The following PFKFB1 variants were observed in gnomAD, a reference collection of about 807,000 sequenced individuals.
The protein encoded by PFKFB1 is 6-phosphofructo-2-kinase/fructose-2,6-biphosphatase 1, also known as 6-phosphofructo-2-kinase/fructose-2,6-bisphosphatase 1.
Under a neutral mutation model 46.4 loss-of-function variants are expected in PFKFB1, and 34 were observed. The observed-to-expected ratio is 0.73, with a 90% CI of 0.56 to 0.98. PFKFB1 has a LOEUF of 0.98. Among genes scored for constraint, PFKFB1 ranks in the 50% least tolerant of loss-of-function variants. PFKFB1 has a pLI of 0.00. For synonymous variants in PFKFB1, 119 were observed against 133.8 expected, an observed-to-expected ratio of 0.89 and a Z score of 0.76; for missense variants, 393 against 376.3, an observed-to-expected ratio of 1.04 and a Z score of -0.37.
At chrX:54,996,049 C>T (rs1010721337), upstream of PFKFB1, among the ~76,000 whole-genome samples, 53 of 112,092 alleles carry the variant, frequency 4.7e-4, no homozygotes, top group African/African-American at 1.4e-3. Context: ...GTGGCCAAGT[C>T]AGGAATAGAA....
intron 10 of PFKFB1, among the ~76,000 whole-genome samples, chrX:54,944,442 G>A (rs1016315898): frequency 1.8e-5 from 2 of 111,241 alleles, no homozygotes; most frequent in South Asian, 7.5e-4. Context: ...TTTTCAGTTT[G>A]GATTAAAAAC....
intron 1 of PFKFB1, among the ~76,000 whole-genome samples, chrX:54,991,825 C>T (rs148365486): frequency 0.023 from 2,573 of 111,424 alleles, 65 homozygotes; most frequent in African/African-American, 0.079. Flanking sequence ...CTGCTTGCAA[C>T]GATAAAATGG....
chrX:54,976,798 C>A lies in PFKFB1; in HGVS notation c.98-13416G>T, dbSNP rs774658101. ...TGTGGTACAATCATAAACTAGAATA[C>A]CATACGGCAATTAAGATAACTGTTG... On this transcript the variant is annotated intron_variant, in intron 1 of 13. Coordinates refer to ENST00000375006, the MANE Select transcript of PFKFB1 (RefSeq NM_002625.4). Among the ~76,000 whole-genome samples the A allele has an allele frequency of 1.7e-4, 19 of 111,282 alleles. No individual in the cohort carries two copies. The East Asian group carries it at 5.4e-3, about 31-fold the overall frequency.
chrX:54,939,867 G>C (rs1933553671), intron 10 of PFKFB1, among the ~76,000 whole-genome samples: 1 of 112,055 alleles, frequency 8.9e-6, no homozygotes, highest in Non-Finnish European at 1.9e-5. Context: ...AATAGAAAAA[G>C]AGGGAATCCT....
chrX:54,973,029 C>G (rs1428624227), intron 1 of PFKFB1, among the ~76,000 whole-genome samples: 3 of 107,986 alleles, frequency 2.8e-5, no homozygotes, highest in East Asian at 2.9e-4. Flanking sequence ...TGTTATTGGT[C>G]TATTCAGAGA....
At chrX:54,998,419 G>C, upstream of PFKFB1, 1 of 1,152,221 alleles carries the variant, frequency 8.7e-7, no homozygotes, top group Non-Finnish European at 1.1e-6. Context: ...TTATTCTAGA[G>C]GTTTTTTCTT....
chrX:54,964,035 C>A (rs1164918290), intron 1 of PFKFB1, among the ~76,000 whole-genome samples: 1 of 110,828 alleles, frequency 9.0e-6, no homozygotes, highest in Non-Finnish European at 1.9e-5. Context: ...CCATACCAAT[C>A]TACCTTATCT....
intron 6 of PFKFB1, 109 bp from the exon 7 acceptor site, chrX:54,956,383 G>A: frequency 1.1e-6 from 1 of 914,761 alleles, no homozygotes; most frequent in Non-Finnish European, 1.5e-6. Flanking sequence ...TTATAAAGAT[G>A]AGGAAATTGA....
At chrX:54,953,773 T>G in intron 7 of PFKFB1, among the ~76,000 whole-genome samples, 1 of 112,084 alleles carries the variant, frequency 8.9e-6, no homozygotes, top group Non-Finnish European at 1.9e-5. Context: ...TGGCCTCACT[T>G]TATGGTCCCA....
chrX:54,971,724 T>C (rs1373228794), intron 1 of PFKFB1, among the ~76,000 whole-genome samples: 1 of 112,477 alleles, frequency 8.9e-6, no homozygotes, highest in Non-Finnish European at 1.9e-5. Flanking sequence ...AGTACCATGC[T>C]GTTTTGGTTA....
At chrX:54,992,509 C>T (rs1935266805) in intron 1 of PFKFB1, among the ~76,000 whole-genome samples, 1 of 111,766 alleles carries the variant, frequency 8.9e-6, no homozygotes, top group Non-Finnish European at 1.9e-5. Context: ...GGATCCAGAA[C>T]CTCTGAATCA....
intron 3 of PFKFB1, among the ~76,000 whole-genome samples, chrX:54,960,168 T>C (rs1243405695): frequency 8.9e-6 from 1 of 112,634 alleles, no homozygotes; most frequent in Non-Finnish European, 1.9e-5. Context: ...GAAGCCATAA[T>C]ATTAAGGGCT....
At chrX:54,986,835 TCTCC>T (rs1935125014) in intron 1 of PFKFB1, among the ~76,000 whole-genome samples, 1 of 111,418 alleles carries the variant, frequency 9.0e-6, no homozygotes, top group Admixed American at 9.5e-5. Context: ...TAAAGTATGT[TCTCC>T]AATCATAATG....
At chrX:54,958,559 T>A (rs1252353707) in intron 5 of PFKFB1, among the ~76,000 whole-genome samples, 197 bp from the exon 6 acceptor site, 2 of 110,940 alleles carry the variant, frequency 1.8e-5, no homozygotes, top group Non-Finnish European at 3.8e-5. Flanking sequence ...CCCCAGACTG[T>A]TGTTTTATAT....
At chrX:54,975,500 G>A (rs1030202186) in intron 1 of PFKFB1, among the ~76,000 whole-genome samples, 7 of 110,955 alleles carry the variant, frequency 6.3e-5, no homozygotes, top group Non-Finnish European at 1.3e-4. Context: ...GAAGGAGGGT[G>A]AGTGATAAAA....
intron 1 of PFKFB1, among the ~76,000 whole-genome samples, chrX:54,979,813 T>G (rs1934928720): frequency 9.0e-6 from 1 of 111,602 alleles, no homozygotes; most frequent in African/African-American, 3.3e-5. Flanking sequence ...AAGGCAAAAG[T>G]GATGGGATAT....
intron 1 of PFKFB1, among the ~76,000 whole-genome samples, chrX:54,991,010 C>T (rs1039650530): frequency 9.0e-6 from 1 of 111,528 alleles, no homozygotes. Flanking sequence ...AACTTAAAAT[C>T]GGGATCAGCA....
intron 10 of PFKFB1, among the ~76,000 whole-genome samples, chrX:54,939,386 T>G (rs774848377): frequency 3.6e-5 from 4 of 111,223 alleles, no homozygotes; most frequent in African/African-American, 6.5e-5. Context: ...AAGAAATAAC[T>G]AAGATCAGAG....
chrX:54,965,719 T>A (rs1292605419), intron 1 of PFKFB1, among the ~76,000 whole-genome samples: 1 of 111,271 alleles, frequency 9.0e-6, no homozygotes, highest in Non-Finnish European at 1.9e-5. Flanking sequence ...ATAGTACCAA[T>A]GTATTATATG....
Sources: allele counts gnomAD v4.1 joint callset (sites outside exome capture counted in the v4.1 genomes callset), GRCh38; gene constraint gnomAD v4.1.1; transcripts MANE v1.5; gene names NCBI Gene and HGNC (gene_info 2026-07-23, HGNC 2026-07-21).